TNR: variants seen among roughly 807,000 people sequenced by gnomAD.
The protein encoded by TNR is tenascin R.
Under a neutral mutation model 150.4 loss-of-function variants are expected in TNR, and 45 were observed. The observed-to-expected ratio is 0.30, with a 90% CI of 0.24 to 0.38. TNR has a LOEUF of 0.38. Among genes scored for constraint, TNR ranks in the 10% least tolerant of loss-of-function variants. The pLI is 1.00. For missense variants in TNR, 1,544 were observed against 1,759.1 expected, an observed-to-expected ratio of 0.88 and a Z score of 2.19; for synonymous variants, 687 against 678.4, an observed-to-expected ratio of 1.01 and a Z score of -0.20.
chr1:175,597,536 G>A (rs1424798494), intron 1 of TNR, among the ~76,000 whole-genome samples: 1 of 152,230 alleles, frequency 6.6e-6, no homozygotes, highest in African/African-American at 2.4e-5. Flanking sequence ...GCACTTGGTT[G>A]TGCTAAAAGT....
chr1:175,568,983 A>T lies in TNR; in HGVS notation c.-164-40614T>A, dbSNP rs539486717. Among the ~76,000 whole-genome samples, 38 of 150,960 alleles carry T rather than the reference A, an allele frequency of 2.5e-4. No individual in the cohort carries two copies. The South Asian group carries it at 8.0e-3, about 32-fold the overall frequency. On this transcript the variant is annotated intron_variant, in intron 1 of 22. Coordinates refer to ENST00000367674, the MANE Select transcript of TNR (RefSeq NM_003285.3). Reference sequence around the variant, plus strand: ...TTTTAAGTAAGAGGCTTTTTTTTCTAGTCTCAGTATTTTTATTCTACCTTC... The same window carrying T: ...TTTTAAGTAAGAGGCTTTTTTTTCTTGTCTCAGTATTTTTATTCTACCTTC...
chr1:175,716,093 G>T (rs1350351527), intron 1 of TNR, among the ~76,000 whole-genome samples: 1 of 152,162 alleles, frequency 6.6e-6, no homozygotes, highest in Non-Finnish European at 1.5e-5. Flanking sequence ...CTCCATTTAG[G>T]AATTGCTTCT....
chr1:175,407,212 C>T (rs1171436396), intron 2 of TNR, among the ~76,000 whole-genome samples: 1 of 152,118 alleles, frequency 6.6e-6, no homozygotes, highest in Non-Finnish European at 1.5e-5. Context: ...AGGGACTCTG[C>T]CAGCCACTTC....
At chr1:175,323,552 G>T in intron 22 of TNR, 76 bp from the exon 23 acceptor site, 1 of 1,569,792 alleles carries the variant, frequency 6.4e-7, no homozygotes. Context: ...GGGTAATTAT[G>T]GGAACAGGGA....
At chr1:175,485,923 C>A (rs1258171337) in intron 2 of TNR, among the ~76,000 whole-genome samples, 2 of 152,120 alleles carry the variant, frequency 1.3e-5, no homozygotes, top group Non-Finnish European at 2.9e-5. Context: ...AACGTATTGT[C>A]ATCACCATCC....
chr1:175,687,566 C>T (rs1666241210), intron 1 of TNR, among the ~76,000 whole-genome samples: 1 of 152,138 alleles, frequency 6.6e-6, no homozygotes, highest in African/African-American at 2.4e-5. Context: ...TACTTCTTCC[C>T]CATTTCTAAA....
rs12030502 is a variant in TNR, at chr1:175,551,671, A to T, written c.-164-23302T>A. Among the ~76,000 whole-genome samples, 123 of 152,370 alleles carry T rather than the reference A, an allele frequency of 8.1e-4. 2 individuals carry two copies. In the East Asian group the frequency reaches 0.023, roughly 29 times the overall value. On this transcript the variant is annotated intron_variant, in intron 1 of 22. Transcript: ENST00000367674. ...CTAACAATTGTAATTAAGAACAAAG[A>T]AAAATGAGAAGATTAAAAATTAAAC...
chr1:175,329,827 G>A (rs1034075585), intron 21 of TNR, among the ~76,000 whole-genome samples: 10 of 152,174 alleles, frequency 6.6e-5, no homozygotes, highest in Non-Finnish European at 1.3e-4. Context: ...AGTAGGGCAG[G>A]CATCCTTATT....
intron 1 of TNR, among the ~76,000 whole-genome samples, chr1:175,698,439 C>T (rs1204654578): frequency 6.6e-6 from 1 of 152,010 alleles, no homozygotes; most frequent in Non-Finnish European, 1.5e-5. Flanking sequence ...TGCTGACATC[C>T]TTGACGTGTC....
At chr1:175,563,605 G>C (rs963883789) in intron 1 of TNR, among the ~76,000 whole-genome samples, 10 of 152,108 alleles carry the variant, frequency 6.6e-5, no homozygotes, top group African/African-American at 2.4e-4. Flanking sequence ...ATTAAATTAG[G>C]GCAGCCTTAC....
intron 1 of TNR, among the ~76,000 whole-genome samples, chr1:175,709,001 A>G (rs969374200): frequency 2.9e-5 from 4 of 135,792 alleles, no homozygotes; most frequent in African/African-American, 1.5e-4. Flanking sequence ...ATGTTATATC[A>G]TGTAATCCTC....
chr1:175,558,478 G>A (rs1661281509), intron 1 of TNR, among the ~76,000 whole-genome samples: 1 of 152,132 alleles, frequency 6.6e-6, no homozygotes, highest in Non-Finnish European at 1.5e-5. Context: ...GCTCAGAGAA[G>A]TTAAGCAACT....
At chr1:175,554,908 T>C (rs181347103) in intron 1 of TNR, among the ~76,000 whole-genome samples, 31 of 152,336 alleles carry the variant, frequency 2.0e-4, no homozygotes, top group Admixed American at 9.8e-4. Flanking sequence ...GGAAAATCTG[T>C]GGTGCACAGT....
At chr1:175,446,239 C>T (rs1392897146) in intron 2 of TNR, among the ~76,000 whole-genome samples, 2 of 152,192 alleles carry the variant, frequency 1.3e-5, no homozygotes, top group Admixed American at 1.3e-4. Flanking sequence ...CCACTCAGAG[C>T]CTGATGCTTG....
chr1:175,518,109 T>G (rs2102166511), intron 2 of TNR, among the ~76,000 whole-genome samples: 1 of 152,320 alleles, frequency 6.6e-6, no homozygotes, highest in Non-Finnish European at 1.5e-5. Flanking sequence ...CTCACAGATT[T>G]CCCAGATATT....
intron 21 of TNR, among the ~76,000 whole-genome samples, chr1:175,327,711 C>T (rs11579742): frequency 0.02 from 3,019 of 152,310 alleles, 38 homozygotes; most frequent in Non-Finnish European, 0.031. Flanking sequence ...TCTGTAACTT[C>T]CAGGGTTTAT....
At chr1:175,487,455 T>C (rs1003250578) in intron 2 of TNR, among the ~76,000 whole-genome samples, 1 of 152,230 alleles carries the variant, frequency 6.6e-6, no homozygotes, top group Non-Finnish European at 1.5e-5. Flanking sequence ...CCTTTGATTT[T>C]GGACACTGCT....
intron 1 of TNR, among the ~76,000 whole-genome samples, chr1:175,549,385 G>C (rs1660845795): frequency 6.6e-6 from 1 of 152,168 alleles, no homozygotes; most frequent in African/African-American, 2.4e-5. Flanking sequence ...ATCAAACACG[G>C]TGGATTAGAC....
At chr1:175,358,225 C>T (rs1185255033) in intron 15 of TNR, among the ~76,000 whole-genome samples, 1 of 152,124 alleles carries the variant, frequency 6.6e-6, no homozygotes, top group Non-Finnish European at 1.5e-5. Flanking sequence ...TAATGCTATC[C>T]CTTCTTCATG....
Sources: allele counts gnomAD v4.1 joint callset (sites outside exome capture counted in the v4.1 genomes callset), GRCh38; gene constraint gnomAD v4.1.1; transcripts MANE v1.5; gene names NCBI Gene and HGNC (gene_info 2026-07-23, HGNC 2026-07-21).